SLC26A8: variants seen among roughly 807,000 people sequenced by gnomAD.
SLC26A8 encodes testis anion transporter 1.
In SLC26A8, 70 loss-of-function variants were observed where a neutral mutation model predicts 105.0. The observed-to-expected ratio is 0.67, with a 90% CI of 0.55 to 0.81. The LOEUF is 0.81. Ranked by LOEUF, SLC26A8 falls within the 40% of genes least tolerant of loss-of-function variation. The pLI, the probability that SLC26A8 is intolerant of heterozygous loss-of-function variation, is 0.00. For synonymous variants in SLC26A8, 415 were observed against 438.3 expected, an observed-to-expected ratio of 0.95 and a Z score of 0.66; for missense variants, 998 against 1,181.8, an observed-to-expected ratio of 0.84 and a Z score of 2.28.
At chr6:35,982,269 G>T (rs1293560638) in intron 7 of SLC26A8, 66 bp from the exon 8 acceptor site, 8 of 1,514,416 alleles carry the variant, frequency 5.3e-6, no homozygotes, top group Non-Finnish European at 7.3e-6. Flanking sequence ...ATCGCTTCTA[G>T]AAGCAGAGTT....
At chr6:35,974,739 T>C (rs1359787207) in intron 10 of SLC26A8, among the ~76,000 whole-genome samples, 1 of 152,112 alleles carries the variant, frequency 6.6e-6, no homozygotes, top group African/African-American at 2.4e-5. Context: ...AAATATTCTT[T>C]TTTGTTTGTT....
chr6:36,014,500 A>G (rs1013145500), intron 2 of SLC26A8, among the ~76,000 whole-genome samples: 9 of 152,178 alleles, frequency 5.9e-5, no homozygotes, highest in Non-Finnish European at 8.8e-5. Context: ...TGCAGTTGCT[A>G]AAGAGGAAGA....
Position 36,012,429 on chromosome 6 carries a change from G to A in SLC26A8, c.189-57C>T, listed in dbSNP as rs575103717. 1.0e-4 allele frequency: 154 copies of A among 1,523,912 alleles called. No homozygotes were observed. In the African/African-American group the frequency reaches 1.7e-3, roughly 17 times the overall value. The allele number at this position is 1,523,912 out of a possible 1,614,324, so 94.4% of individuals were successfully genotyped here. On this transcript the variant is annotated intron_variant, in intron 2 of 19. Coordinates refer to ENST00000490799, the MANE Select transcript of SLC26A8 (RefSeq NM_052961.4). ...TTTCTCCAAAGAAAATGCCCGCATA[G>A]CCAAGAAAAGGCATTTGGCCCACAT...
chr6:35,954,396 A>G (rs1771980337), intron 17 of SLC26A8, among the ~76,000 whole-genome samples: 1 of 152,192 alleles, frequency 6.6e-6, no homozygotes, highest in Non-Finnish European at 1.5e-5. Context: ...GGAGTACAAG[A>G]CAGCCCAGTG....
At chr6:35,984,571 G>A (rs1006536901) in intron 7 of SLC26A8, among the ~76,000 whole-genome samples, 42 of 152,030 alleles carry the variant, frequency 2.8e-4, no homozygotes, top group African/African-American at 9.9e-4. Flanking sequence ...CAATCCACCT[G>A]CCTCTGCCTC....
rs780456132 is a variant in SLC26A8 at position 36,019,576 on chromosome 6, G to T, written c.132C>A (p.Ser44=). 1 of 1,613,976 alleles carries T rather than the reference G, an allele frequency of 6.2e-7. No individual in the cohort carries two copies. Among genetic ancestry groups the T allele is most frequent in the African/African-American group, 1.3e-5 (1 of 74,910 alleles). ...TFQQEHKRKA[S]SSGNMNINIT... ...TGTTGATGTTCATGTTCCCAGAAGA[G>T]GAGGCCTTCCTTTTGTGTTCCTGTT... Residue 44 remains serine (S), a synonymous_variant, in exon 2 of 20, where the codon TCC becomes TCA. Coordinates refer to ENST00000490799, the MANE Select transcript of SLC26A8 (RefSeq NM_052961.4).
chr6:36,023,926 T>C (rs927465238), intron 1 of SLC26A8, among the ~76,000 whole-genome samples: 2 of 152,094 alleles, frequency 1.3e-5, no homozygotes, highest in African/African-American at 4.8e-5. Flanking sequence ...ATTGGACACA[T>C]AAACATAGGA....
At chr6:35,961,812 C>T (rs1221952716) in intron 12 of SLC26A8, among the ~76,000 whole-genome samples, 1 of 152,212 alleles carries the variant, frequency 6.6e-6, no homozygotes. Flanking sequence ...CCCTTTCTGA[C>T]CTCCGGTTTT....
intron 7 of SLC26A8, among the ~76,000 whole-genome samples, chr6:35,990,709 A>C (rs1287799935): frequency 6.6e-6 from 1 of 152,210 alleles, no homozygotes; most frequent in African/African-American, 2.4e-5. Context: ...ACGGAAATTC[A>C]CCAACATTGA....
In SLC26A8 at chr6:35,977,205, T is replaced by A. The variant is rs1049238385; in HGVS notation, c.1172A>T (p.Gln391Leu). The A allele has an allele frequency of 1.2e-6, 2 of 1,613,252 alleles. No individual in the cohort carries two copies. The highest frequency in any genetic ancestry group is 1.7e-6 in the Non-Finnish European group (2 of 1,179,658). The change falls in exon 9 of 20, where the codon CAG becomes CTG. Residue 391 changes from glutamine (Q) to leucine (L), a missense_variant and splice_region_variant. Transcript: ENST00000490799. ...SLHNYSVNSN[Q>L]DLIAIGLCNV... ...CAGAGGAAGTAGTAGTCCTCTCACCTGGTTGGAATTGACACTGTAATTGTG... is the reference window on the plus strand; with the variant it reads ...CAGAGGAAGTAGTAGTCCTCTCACCAGGTTGGAATTGACACTGTAATTGTG...
At chr6:35,993,207 A>G (rs1394638608) in intron 5 of SLC26A8, among the ~76,000 whole-genome samples, 1 of 122,652 alleles carries the variant, frequency 8.2e-6, no homozygotes, top group Non-Finnish European at 1.7e-5. Flanking sequence ...GTCTTGCTAT[A>G]TTACCTAGGC....
At chr6:35,982,291 C>G in intron 7 of SLC26A8, 88 bp from the exon 8 acceptor site, 1 of 1,291,856 alleles carries the variant, frequency 7.7e-7, no homozygotes, top group African/African-American at 1.5e-5. Context: ...CCCATTGCCT[C>G]TGGCAGGACA....
chr6:35,967,117 G>A (rs1050583827), intron 11 of SLC26A8, among the ~76,000 whole-genome samples: 5 of 152,296 alleles, frequency 3.3e-5, no homozygotes, highest in South Asian at 2.1e-4. Context: ...GACCGCTTGC[G>A]TGTCAATTTT....
chr6:35,964,871 G>A (rs1772444688), intron 11 of SLC26A8, among the ~76,000 whole-genome samples: 1 of 151,660 alleles, frequency 6.6e-6, no homozygotes, highest in Non-Finnish European at 1.5e-5. Flanking sequence ...GGAGGCTGAG[G>A]TGGGAGAACT....
chr6:36,021,683 A>G (rs1762130123), intron 1 of SLC26A8, among the ~76,000 whole-genome samples: 1 of 152,206 alleles, frequency 6.6e-6, no homozygotes, highest in Non-Finnish European at 1.5e-5. Flanking sequence ...CTTTTCCAGG[A>G]GAAGCCATAA....
rs114330230 is a variant in SLC26A8, at chr6:36,018,811, G to A, written c.188+709C>T. On this transcript the variant is annotated intron_variant, in intron 2 of 19. Coordinates refer to ENST00000490799, the MANE Select transcript of SLC26A8 (RefSeq NM_052961.4). ...CTAGCTAGTCACAGCGGGTATCAGA[G>A]GTGGTGGTGGTAGATTCTACCTTAG... is the stretch of plus-strand genomic sequence containing the variant. Among the ~76,000 whole-genome samples the A allele has an allele frequency of 5.2e-3, 790 of 152,310 alleles. 7 individuals carry two copies. The highest frequency in any genetic ancestry group is 0.017 in the African/African-American group (716 of 41,556).
chr6:35,968,612 T>A (rs1244060909), intron 11 of SLC26A8, among the ~76,000 whole-genome samples: 2 of 35,250 alleles, frequency 5.7e-5, no homozygotes, highest in African/African-American at 2.2e-4. Flanking sequence ...TGTGTGTGTA[T>A]ATATATATAT....
intron 7 of SLC26A8, among the ~76,000 whole-genome samples, chr6:35,986,803 A>T (rs1004502810): frequency 1.3e-5 from 2 of 151,796 alleles, no homozygotes; most frequent in Non-Finnish European, 2.9e-5. Context: ...ACATTTTTTT[A>T]AAAATCATTT....
At position 36,024,588 on chromosome 6, in the gene SLC26A8, CGGCGGCGGTTCCCGAGCCGTTGT is replaced by C. The variant is rs1403910925; in HGVS notation, c.-110_-88del. The stretch of plus-strand genomic sequence containing the variant: ...CTGGCGGCGCTGCGGACGCGGATAC[CGGCGGCGGTTCCCGAGCCGTTGT>C]GGCCTAGCCCGCGGGCGTTCCGGGC... On this transcript the variant is annotated 5_prime_UTR_variant, in exon 1 of 20. Transcript: ENST00000490799. The C allele has an allele frequency of 2.7e-6, 1 of 370,906 alleles. No individual in the cohort carries two copies. The highest frequency in any genetic ancestry group is 7.8e-5 in the East Asian group (1 of 12,832). 23.0% of individuals were successfully genotyped at this position (370,906 alleles called of 1,614,324 possible).
Sources: allele counts gnomAD v4.1 joint callset (sites outside exome capture counted in the v4.1 genomes callset), GRCh38; gene constraint gnomAD v4.1.1; transcripts MANE v1.5; gene names NCBI Gene and HGNC (gene_info 2026-07-23, HGNC 2026-07-21).